Variants in EPHB1 observed in about 807,000 individuals in gnomAD.
The protein encoded by EPHB1 is EPH receptor B1, also known as ephrin type-B receptor 1.
EPHB1 carries 30 observed loss-of-function variants against 94.4 expected under a neutral mutation model. The ratio of observed to expected loss-of-function variants is 0.32; its 90% CI spans 0.24 to 0.43. EPHB1 has a LOEUF of 0.43. Ranked by LOEUF, EPHB1 falls within the 20% of genes least tolerant of loss-of-function variation. The pLI, the probability that EPHB1 is intolerant of heterozygous loss-of-function variation, is 1.00. For synonymous variants in EPHB1, 522 were observed against 489.1 expected (o/e 1.07, Z -0.89); for missense variants, 1,055 against 1,308.3 (o/e 0.81, Z 2.99).
intron 9 of EPHB1, among the ~76,000 whole-genome samples, chr3:135,171,724 TC>T (rs1941806998): frequency 1.3e-5 from 2 of 152,194 alleles, no homozygotes; most frequent in Admixed American, 6.5e-5. Flanking sequence ...CTGACAAAAA[TC>T]CAAGCAATGT....
At chr3:134,927,343 C>G (rs1294289607) in intron 2 of EPHB1, among the ~76,000 whole-genome samples, 1 of 152,182 alleles carries the variant, frequency 6.6e-6, no homozygotes, top group African/African-American at 2.4e-5. Context: ...AGCATGATGC[C>G]TTGAAACAGG....
chr3:135,039,974 C>T (rs1034597534), intron 3 of EPHB1, among the ~76,000 whole-genome samples: 4 of 152,228 alleles, frequency 2.6e-5, no homozygotes, highest in African/African-American at 9.6e-5. Context: ...AGCATGCTGT[C>T]ACCTCTCACC....
chr3:135,040,294 TGTA>T (rs1936792231), intron 3 of EPHB1, among the ~76,000 whole-genome samples: 1 of 152,192 alleles, frequency 6.6e-6, no homozygotes, highest in Non-Finnish European at 1.5e-5. Context: ...GGGCCTGGCA[TGTA>T]GTAAGTGTGC....
chr3:135,084,114 G>A (rs1412913204), intron 3 of EPHB1, among the ~76,000 whole-genome samples: 1 of 152,104 alleles, frequency 6.6e-6, no homozygotes, highest in African/African-American at 2.4e-5. Context: ...AAAAGTAAAG[G>A]AAAGAAAGAC....
At chr3:135,161,172 A>G (rs1387142231) in intron 6 of EPHB1, among the ~76,000 whole-genome samples, 1 of 152,210 alleles carries the variant, frequency 6.6e-6, no homozygotes, top group Admixed American at 6.5e-5. Context: ...TGAGAAAAAG[A>G]GTCATGCTTC....
At chr3:134,863,282 G>T (rs951044111) in intron 1 of EPHB1, among the ~76,000 whole-genome samples, 2 of 152,202 alleles carry the variant, frequency 1.3e-5, no homozygotes, top group African/African-American at 4.8e-5. Context: ...TGCCGGCCTG[G>T]ACTGGCCTGT....
At chr3:135,177,771 G>A (rs1942025056) in intron 9 of EPHB1, among the ~76,000 whole-genome samples, 1 of 152,182 alleles carries the variant, frequency 6.6e-6, no homozygotes, top group Admixed American at 6.5e-5. Flanking sequence ...AGGGTGGCCT[G>A]GAGATGCTGA....
At chr3:135,122,707 A>T (rs979382846) in intron 4 of EPHB1, among the ~76,000 whole-genome samples, 1 of 152,176 alleles carries the variant, frequency 6.6e-6, no homozygotes, top group African/African-American at 2.4e-5. Flanking sequence ...TGTATAATCT[A>T]CTTCCTTTCT....
intron 1 of EPHB1, among the ~76,000 whole-genome samples, chr3:134,835,009 CAG>C (rs1157190417): frequency 6.6e-6 from 1 of 152,176 alleles, no homozygotes; most frequent in Non-Finnish European, 1.5e-5. Flanking sequence ...GTCAAGTGAA[CAG>C]GGGGTAATTT....
intron 1 of EPHB1, among the ~76,000 whole-genome samples, chr3:134,909,133 A>G (rs2107693568): frequency 6.8e-6 from 1 of 146,436 alleles, no homozygotes; most frequent in African/African-American, 2.6e-5. Flanking sequence ...GGGCTGGAAG[A>G]AAAGCTGATG....
intron 11 of EPHB1, among the ~76,000 whole-genome samples, chr3:135,194,972 A>G (rs1209095416): frequency 6.6e-6 from 1 of 152,236 alleles, no homozygotes; most frequent in Non-Finnish European, 1.5e-5. Context: ...CTGTCATGTC[A>G]GTGCAATCAT....
chr3:135,227,115 G>A (rs1487798145), intron 12 of EPHB1, among the ~76,000 whole-genome samples: 4 of 152,014 alleles, frequency 2.6e-5, no homozygotes, highest in South Asian at 2.1e-4. Context: ...TCTTACACAT[G>A]TACACCTAAA....
At chr3:135,245,444 G>T (rs1943894305) in intron 13 of EPHB1, among the ~76,000 whole-genome samples, 1 of 148,352 alleles carries the variant, frequency 6.7e-6, no homozygotes. Context: ...GCTGTTTGAT[G>T]TCCTCTTAAA....
intron 1 of EPHB1, among the ~76,000 whole-genome samples, chr3:134,828,988 T>C (rs1412959211): frequency 6.6e-6 from 1 of 152,178 alleles, no homozygotes; most frequent in Non-Finnish European, 1.5e-5. Context: ...ATCACCCAGG[T>C]CATACCCTAT....
At chr3:134,978,166 T>C (rs1934260476) in intron 3 of EPHB1, 1 of 286,436 alleles carries the variant, frequency 3.5e-6, no homozygotes, top group South Asian at 2.2e-5. Flanking sequence ...TCCACTGAGT[T>C]ACAAGTCCTA....
chr3:134,984,238 C>T (rs1934514382), intron 3 of EPHB1, among the ~76,000 whole-genome samples: 1 of 152,162 alleles, frequency 6.6e-6, no homozygotes, highest in South Asian at 2.1e-4. Flanking sequence ...TGATGATCCT[C>T]TTCTGGGTGA....
intron 9 of EPHB1, among the ~76,000 whole-genome samples, chr3:135,178,226 G>C (rs533207175): frequency 4.0e-5 from 6 of 149,136 alleles, no homozygotes; most frequent in East Asian, 2.1e-4. Context: ...GGCCGGGGAG[G>C]GGGGGTGGAT....
intron 2 of EPHB1, among the ~76,000 whole-genome samples, chr3:134,932,622 G>C (rs532005887): frequency 6.6e-6 from 1 of 152,104 alleles, no homozygotes; most frequent in Non-Finnish European, 1.5e-5. Flanking sequence ...GCTCAATGGG[G>C]TAAGGATAAT....
chr3:134,830,125 C>A (rs1156392555), intron 1 of EPHB1, among the ~76,000 whole-genome samples: 1 of 152,220 alleles, frequency 6.6e-6, no homozygotes, highest in Non-Finnish European at 1.5e-5. Flanking sequence ...TAGCATTTTA[C>A]CACGTTGTGC....
Sources: allele counts gnomAD v4.1 joint callset (sites outside exome capture counted in the v4.1 genomes callset), GRCh38; gene constraint gnomAD v4.1.1; transcripts MANE v1.5; gene names NCBI Gene and HGNC (gene_info 2026-07-23, HGNC 2026-07-21).